The following SNX25 variants were observed in gnomAD, a reference collection of about 807,000 sequenced individuals.
SNX25 encodes the protein sorting nexin 25, also known as sorting nexin-25.
In SNX25, 62 loss-of-function variants were observed where a neutral mutation model predicts 113.7. The ratio of observed to expected loss-of-function variants is 0.55; its 90% CI spans 0.44 to 0.67. The LOEUF is 0.67. SNX25 is among the 30% of genes least tolerant of loss of function. SNX25 has a pLI of 0.00. For synonymous variants in SNX25, 421 were observed against 436.2 expected (o/e 0.97, Z 0.43); for missense variants, 1,014 against 1,161.0 (o/e 0.87, Z 1.84).
intron 2 of SNX25, among the ~76,000 whole-genome samples, chr4:185,249,793 G>C (rs553729672): frequency 6.6e-6 from 1 of 151,534 alleles, no homozygotes; most frequent in Non-Finnish European, 1.5e-5. Flanking sequence ...TTTTTTTCTT[G>C]TTGTTTCTGC....
chr4:185,360,929 TAA>T lies in SNX25; in HGVS notation c.2652-994_2652-993del, dbSNP rs535699250. On this transcript the variant is annotated intron_variant, in intron 16 of 18. Coordinates refer to ENST00000652585, the MANE Select transcript of SNX25 (RefSeq NM_001378034.2). ...GCGAGACTCCGTCTCAAAAAAAAAA[TAA>T]TATATATATATATATATATATAGAA... 4.8e-3 allele frequency among the ~76,000 whole-genome samples: 500 copies of T among 103,868 alleles called. 5 individuals are homozygous for T. The highest frequency in any genetic ancestry group is 0.032 in the African/African-American group (477 of 15,116). 68.1% of individuals were successfully genotyped at this position (103,868 alleles called of 152,430 possible). A position where few individuals can be genotyped will look rare whatever the true frequency, so the allele number is the denominator to read the frequency against.
intron 12 of SNX25, among the ~76,000 whole-genome samples, chr4:185,342,691 G>A (rs2095266245): frequency 6.7e-6 from 1 of 148,942 alleles, no homozygotes; most frequent in South Asian, 2.1e-4. Context: ...TTAAGGCGCG[G>A]TGCTTGGAGG....
intron 15 of SNX25, among the ~76,000 whole-genome samples, chr4:185,353,912 C>CAG (rs2095327463): frequency 2.0e-5 from 3 of 152,122 alleles, no homozygotes; most frequent in Admixed American, 2.0e-4. Context: ...GGCATGGTGG[C>CAG]GCATGCCTGT....
intron 1 of SNX25, among the ~76,000 whole-genome samples, chr4:185,238,565 G>C (rs1156815629): frequency 6.6e-6 from 1 of 152,132 alleles, no homozygotes; most frequent in Non-Finnish European, 1.5e-5. Context: ...TTAAGAATGA[G>C]AGTATTAGTC....
upstream of SNX25, chr4:185,207,899 T>C (rs1200012325): frequency 2.0e-5 from 3 of 152,198 alleles, no homozygotes; most frequent in Non-Finnish European, 4.4e-5. Context: ...GAAAAATTAA[T>C]TTAAATTTAT....
chr4:185,333,375 C>G (rs1242878215), intron 10 of SNX25, among the ~76,000 whole-genome samples: 1 of 152,178 alleles, frequency 6.6e-6, no homozygotes, highest in Non-Finnish European at 1.5e-5. Flanking sequence ...TTGAGGATTT[C>G]AAGCGGTCAA....
At chr4:185,374,202 G>C (rs757388499), downstream of SNX25, 7 of 1,613,998 alleles carry the variant, frequency 4.3e-6, no homozygotes, top group African/African-American at 9.3e-5. Flanking sequence ...CTTCACACTA[G>C]CTTTGGGATT....
intron 14 of SNX25, 70 bp downstream of exon 14, chr4:185,351,679 G>A: frequency 1.3e-6 from 2 of 1,503,954 alleles, no homozygotes; most frequent in East Asian, 4.5e-5. Context: ...GCTCCTCATG[G>A]GGGGAAGCAA....
At chr4:185,216,825 A>G (rs1034158481) in intron 1 of SNX25, among the ~76,000 whole-genome samples, 15 of 152,112 alleles carry the variant, frequency 9.9e-5, no homozygotes, top group Admixed American at 3.9e-4. Context: ...CCGGCCGACA[A>G]AAGTGTGTAT....
rs1474182148 is a variant in SNX25 at position 185,255,326 on chromosome 4, G to T, written c.515-3522G>T. On this transcript the variant is annotated intron_variant, in intron 2 of 18. Transcript: ENST00000652585. ...TTTTTGTATTTTTAGTAAAGACAGG[G>T]TTTCACCACGTTGGCCAGGCTGGTC... 3.3e-5 allele frequency among the ~76,000 whole-genome samples: 5 copies of T among 152,164 alleles called. No homozygotes were observed. The East Asian group carries it at 9.7e-4, about 29-fold the overall frequency.
In SNX25 at chr4:185,326,214, T is replaced by C. The variant is rs566692092; in HGVS notation, c.1749+2414T>C. Among the ~76,000 whole-genome samples the C allele has an allele frequency of 2.0e-4, 30 of 152,334 alleles. No homozygotes were observed. The South Asian group carries it at 5.8e-3, about 29-fold the overall frequency. On this transcript the variant is annotated intron_variant, in intron 9 of 18. Transcript: ENST00000652585. ...GCAAAACAAAGGATTAGCAATATTTTAAGCAAAACGTCAGAAAGGTCACTC... is the reference window on the plus strand; with the variant it reads ...GCAAAACAAAGGATTAGCAATATTTCAAGCAAAACGTCAGAAAGGTCACTC...
At chr4:185,273,562 G>A (rs562396276) in intron 5 of SNX25, among the ~76,000 whole-genome samples, 7 of 152,278 alleles carry the variant, frequency 4.6e-5, no homozygotes, top group Admixed American at 4.6e-4. Flanking sequence ...TCAACTCTTA[G>A]CAAATTTCGA....
At chr4:185,351,773 G>T (rs941047591) in intron 14 of SNX25, among the ~76,000 whole-genome samples, 164 bp downstream of exon 14, 14 of 152,186 alleles carry the variant, frequency 9.2e-5, no homozygotes, top group Non-Finnish European at 1.6e-4. Flanking sequence ...CAAGTGACTT[G>T]CAGGGGAGGA....
chr4:185,234,811 A>G (rs1225029717), intron 1 of SNX25, among the ~76,000 whole-genome samples: 1 of 152,236 alleles, frequency 6.6e-6, no homozygotes, highest in Non-Finnish European at 1.5e-5. Flanking sequence ...ATGCATAATA[A>G]TTCATTAATT....
chr4:185,218,178 G>A (rs972583457), intron 1 of SNX25, among the ~76,000 whole-genome samples: 6 of 152,152 alleles, frequency 3.9e-5, no homozygotes, highest in African/African-American at 1.2e-4. Context: ...TCTGCCTCCC[G>A]GGTTCAAGTG....
chr4:185,258,181 A>G (rs1331029526), intron 2 of SNX25, among the ~76,000 whole-genome samples: 1 of 152,162 alleles, frequency 6.6e-6, no homozygotes, highest in Non-Finnish European at 1.5e-5. Context: ...TTGATGGTGA[A>G]GAAGCTTGAG....
intron 1 of SNX25, among the ~76,000 whole-genome samples, chr4:185,237,380 T>C (rs1482890335): frequency 2.6e-5 from 4 of 152,214 alleles, no homozygotes; most frequent in African/African-American, 9.6e-5. Context: ...GAATGTGCGC[T>C]TTCCTCTCTG....
intron 6 of SNX25, among the ~76,000 whole-genome samples, chr4:185,288,388 CT>C (rs1216688016): frequency 7.2e-5 from 11 of 152,146 alleles, no homozygotes; most frequent in Admixed American, 5.2e-4. Context: ...TGATTACATA[CT>C]TTTTTTCACA....
intron 1 of SNX25, among the ~76,000 whole-genome samples, chr4:185,223,822 C>G (rs1740401546): frequency 6.6e-6 from 1 of 151,762 alleles, no homozygotes; most frequent in Admixed American, 6.6e-5. Context: ...ATACCTAGAT[C>G]CATTAATTTA....
Sources: allele counts gnomAD v4.1 joint callset (sites outside exome capture counted in the v4.1 genomes callset), GRCh38; gene constraint gnomAD v4.1.1; transcripts MANE v1.5; gene names NCBI Gene and HGNC (gene_info 2026-07-23, HGNC 2026-07-21).